ZNF804A: variants seen among roughly 807,000 people sequenced by gnomAD.
ZNF804A encodes the protein zinc finger protein 804A.
Under a neutral mutation model 16.5 loss-of-function variants are expected in ZNF804A, and 2 were observed. The ratio of observed to expected loss-of-function variants is 0.12; its 90% CI spans 0.05 to 0.38. The LOEUF is 0.38. Among genes scored for constraint, ZNF804A ranks in the 10% least tolerant of loss-of-function variants. The probability of loss-of-function intolerance (pLI) is 0.99; values close to 1 mark genes in which losing one functional copy is unlikely to be tolerated. For missense variants in ZNF804A, 1,473 were observed against 1,390.7 expected (o/e 1.06, Z -0.94); for synonymous variants, 534 against 489.6 (o/e 1.09, Z -1.20).
chr2:184,741,747 A>G (rs2105753143), intron 1 of ZNF804A, among the ~76,000 whole-genome samples: 1 of 152,246 alleles, frequency 6.6e-6, no homozygotes. Context: ...ATATACAGGT[A>G]ATATTTGATG....
At chr2:184,800,415 T>A in intron 1 of ZNF804A, among the ~76,000 whole-genome samples, 1 of 151,878 alleles carries the variant, frequency 6.6e-6, no homozygotes, top group Non-Finnish European at 1.5e-5. Flanking sequence ...TTTTCTAATA[T>A]ATACATTCAA....
chr2:184,910,984 G>A (rs559983953), intron 2 of ZNF804A, among the ~76,000 whole-genome samples: 25 of 151,968 alleles, frequency 1.6e-4, no homozygotes, highest in African/African-American at 6.0e-4. Flanking sequence ...ATTTTAATTA[G>A]GTCCACTTGT....
chr2:184,882,622 C>A (rs1684826332), intron 2 of ZNF804A, among the ~76,000 whole-genome samples: 1 of 151,852 alleles, frequency 6.6e-6, no homozygotes, highest in South Asian at 2.1e-4. Flanking sequence ...AAATAGAAAT[C>A]AATACTAAGA....
At chr2:184,790,855 G>A (rs984364876) in intron 1 of ZNF804A, among the ~76,000 whole-genome samples, 14 of 152,046 alleles carry the variant, frequency 9.2e-5, no homozygotes, top group Non-Finnish European at 2.9e-5. Flanking sequence ...CACCCACCTC[G>A]GCCTCCCAAA....
chr2:184,795,900 T>A (rs1694623307), intron 1 of ZNF804A, among the ~76,000 whole-genome samples: 1 of 152,092 alleles, frequency 6.6e-6, no homozygotes. Context: ...AACAGACCAA[T>A]AACAATCAGA....
At chr2:184,610,227 C>G (rs1691214497) in intron 1 of ZNF804A, among the ~76,000 whole-genome samples, 1 of 152,180 alleles carries the variant, frequency 6.6e-6, no homozygotes, top group African/African-American at 2.4e-5. Flanking sequence ...GCAGTCCAAA[C>G]CCTTTACCTT....
At chr2:184,701,475 T>C (rs1417790867) in intron 1 of ZNF804A, among the ~76,000 whole-genome samples, 1 of 151,960 alleles carries the variant, frequency 6.6e-6, no homozygotes, top group Non-Finnish European at 1.5e-5. Context: ...TAACGTTGCC[T>C]GAAATCATGA....
intron 1 of ZNF804A, among the ~76,000 whole-genome samples, chr2:184,637,307 A>C (rs1004685253): frequency 2.6e-5 from 4 of 152,126 alleles, no homozygotes; most frequent in Admixed American, 6.5e-5. Context: ...CATTTTTTTT[A>C]GGCAGCAGGA....
At chr2:184,734,174 G>A (rs903212084) in intron 1 of ZNF804A, among the ~76,000 whole-genome samples, 2 of 151,954 alleles carry the variant, frequency 1.3e-5, no homozygotes. Context: ...AAACACCTAG[G>A]CTCAAGATCC....
chr2:184,807,228 G>T (rs965732975), intron 1 of ZNF804A, among the ~76,000 whole-genome samples: 1 of 151,806 alleles, frequency 6.6e-6, no homozygotes, highest in Non-Finnish European at 1.5e-5. Flanking sequence ...ATTGCAGGAC[G>T]CAAAGCCTAG....
intron 1 of ZNF804A, among the ~76,000 whole-genome samples, chr2:184,791,540 T>G (rs1056688562): frequency 6.6e-6 from 1 of 152,138 alleles, no homozygotes; most frequent in African/African-American, 2.4e-5. Context: ...ACAGACTTTA[T>G]TTTTAGAGCA....
At chr2:184,655,531 G>T (rs1202453485) in intron 1 of ZNF804A, among the ~76,000 whole-genome samples, 2 of 152,152 alleles carry the variant, frequency 1.3e-5, no homozygotes, top group African/African-American at 2.4e-5. Context: ...ATTAACTTGG[G>T]TCTGTTTAAT....
chr2:184,689,890 G>C (rs1692702327), intron 1 of ZNF804A, among the ~76,000 whole-genome samples: 1 of 151,906 alleles, frequency 6.6e-6, no homozygotes, highest in African/African-American at 2.4e-5. Context: ...ACATAATGTA[G>C]TAATAAAAGA....
chr2:184,623,809 T>C (rs1196762198), intron 1 of ZNF804A, among the ~76,000 whole-genome samples: 1 of 152,140 alleles, frequency 6.6e-6, no homozygotes, highest in Non-Finnish European at 1.5e-5. Context: ...ATATGGCAAA[T>C]GTCACAGCAA....
At chr2:184,821,884 A>C (rs1695092323) in intron 1 of ZNF804A, among the ~76,000 whole-genome samples, 1 of 152,192 alleles carries the variant, frequency 6.6e-6, no homozygotes, top group Non-Finnish European at 1.5e-5. Context: ...ACCAGTCACA[A>C]TAGTGAATAT....
At position 184,870,034 on chromosome 2, in the gene ZNF804A, T is replaced by C. The variant is rs370940272; in HGVS notation, c.255+3522T>C. Among the ~76,000 whole-genome samples the C allele has an allele frequency of 1.6e-4, 24 of 152,146 alleles. No homozygotes were observed. In the East Asian group the frequency reaches 4.4e-3, roughly 28 times the overall value. On this transcript the variant is annotated intron_variant, in intron 2 of 3. Coordinates refer to ENST00000302277, the MANE Select transcript of ZNF804A (RefSeq NM_194250.2). ...TTTTTTAACTTTGTAACTCAAAAGA[T>C]GTTCGATTGTAACAATTTTAGGGCA...
intron 1 of ZNF804A, among the ~76,000 whole-genome samples, chr2:184,767,931 C>G (rs1042670073): frequency 4.6e-5 from 7 of 152,138 alleles, no homozygotes; most frequent in African/African-American, 1.7e-4. Flanking sequence ...TGTTTTATAG[C>G]TGCTATATGT....
chr2:184,657,590 A>G (rs1559119267), intron 1 of ZNF804A, among the ~76,000 whole-genome samples: 1 of 152,202 alleles, frequency 6.6e-6, no homozygotes, highest in African/African-American at 2.4e-5. Context: ...CTTACAATGT[A>G]TACAATTTGG....
intron 1 of ZNF804A, among the ~76,000 whole-genome samples, chr2:184,695,466 A>T (rs933552016): frequency 7.3e-4 from 47 of 64,430 alleles, no homozygotes; most frequent in Middle Eastern, 0.017. Context: ...CTCCGTCATT[A>T]AAAAAAAAAA....
Sources: allele counts gnomAD v4.1 joint callset (sites outside exome capture counted in the v4.1 genomes callset), GRCh38; gene constraint gnomAD v4.1.1; transcripts MANE v1.5; gene names NCBI Gene and HGNC (gene_info 2026-07-23, HGNC 2026-07-21).